Variants in ELF2 observed in about 807,000 individuals in gnomAD.
ELF2 encodes the protein ETS-related transcription factor Elf-2.
A neutral mutation model predicts 54.8 loss-of-function variants in ELF2; 11 were observed. The observed-to-expected ratio is 0.20, with a 90% CI of 0.13 to 0.33. The LOEUF (loss-of-function observed/expected upper bound fraction) is 0.33, where lower values mean the gene tolerates loss of function less well. Ranked by LOEUF, ELF2 falls within the 10% of genes least tolerant of loss-of-function variation. ELF2 has a pLI of 1.00. For missense variants in ELF2, 513 were observed against 703.0 expected (o/e 0.73, Z 3.06); for synonymous variants, 203 against 245.1 (o/e 0.83, Z 1.61).
intron 4 of ELF2, chr4:139,114,972 C>T: frequency 6.2e-7 from 1 of 1,613,738 alleles, no homozygotes; most frequent in South Asian, 1.1e-5. Flanking sequence ...TGCCCCGGAT[C>T]TTGTCCAGCA....
chr4:139,076,170 A>T (rs1164960118), intron 4 of ELF2, among the ~76,000 whole-genome samples: 2 of 152,206 alleles, frequency 1.3e-5, no homozygotes, highest in Admixed American at 1.3e-4. Flanking sequence ...GTTGCACATC[A>T]TCCACAAGGT....
intron 4 of ELF2, among the ~76,000 whole-genome samples, chr4:139,112,366 T>G (rs552680578): frequency 6.6e-6 from 1 of 152,220 alleles, no homozygotes; most frequent in Non-Finnish European, 1.5e-5. Context: ...AATAACATGT[T>G]TAATAAATTG....
At chr4:139,174,133 G>A (rs1408680440) in intron 1 of ELF2, among the ~76,000 whole-genome samples, 10 of 149,422 alleles carry the variant, frequency 6.7e-5, no homozygotes, top group Admixed American at 2.0e-4. Flanking sequence ...CGCTTGAACC[G>A]GGTGGCAGAG....
chr4:139,126,003 T>C (rs534029680), intron 3 of ELF2, among the ~76,000 whole-genome samples: 1 of 152,296 alleles, frequency 6.6e-6, no homozygotes, highest in African/African-American at 2.4e-5. Flanking sequence ...GTTAGCATCA[T>C]ACTCTACCCA....
intron 1 of ELF2, among the ~76,000 whole-genome samples, chr4:139,174,555 A>C (rs1163694686): frequency 6.6e-6 from 1 of 152,122 alleles, no homozygotes; most frequent in African/African-American, 2.4e-5. Flanking sequence ...CATATCCATG[A>C]GTTCTGAATA....
chr4:139,143,392 G>C (rs1738908782), intron 1 of ELF2, among the ~76,000 whole-genome samples: 1 of 152,168 alleles, frequency 6.6e-6, no homozygotes, highest in Non-Finnish European at 1.5e-5. Flanking sequence ...ACTGTTGCAA[G>C]CTTCTCCCCC....
At chr4:139,086,968 A>G (rs527537492) in intron 4 of ELF2, among the ~76,000 whole-genome samples, 2 of 152,218 alleles carry the variant, frequency 1.3e-5, no homozygotes, top group Admixed American at 6.5e-5. Context: ...TAGGAGGATC[A>G]TAACTCCTAA....
chr4:139,072,912 G>C (rs571958824), intron 5 of ELF2, among the ~76,000 whole-genome samples: 1 of 152,186 alleles, frequency 6.6e-6, no homozygotes, highest in Admixed American at 6.5e-5. Flanking sequence ...TAACATTTGG[G>C]CATTAAATTA....
chr4:139,165,284 T>C (rs1009923174), intron 1 of ELF2, among the ~76,000 whole-genome samples: 8 of 152,232 alleles, frequency 5.3e-5, no homozygotes, highest in African/African-American at 1.2e-4. Flanking sequence ...ATGACTATTA[T>C]TTCACAATGA....
intron 1 of ELF2, among the ~76,000 whole-genome samples, chr4:139,146,233 C>T (rs1490443236): frequency 6.6e-6 from 1 of 152,136 alleles, no homozygotes; most frequent in African/African-American, 2.4e-5. Context: ...ACAACAACGA[C>T]CAAGCTGAGA....
At chr4:139,093,991 C>T (rs914400418) in intron 4 of ELF2, among the ~76,000 whole-genome samples, 1 of 150,156 alleles carries the variant, frequency 6.7e-6, no homozygotes, top group Non-Finnish European at 1.5e-5. Context: ...CTCCGCCTCT[C>T]GGGTTCGAGC....
chr4:139,080,563 A>G (rs1032924844), intron 4 of ELF2, among the ~76,000 whole-genome samples: 1 of 152,132 alleles, frequency 6.6e-6, no homozygotes, highest in Non-Finnish European at 1.5e-5. Flanking sequence ...TGCATTGTTG[A>G]CCAAAACTTC....
At chr4:139,086,892 G>T (rs566669635) in intron 4 of ELF2, among the ~76,000 whole-genome samples, 1 of 152,228 alleles carries the variant, frequency 6.6e-6, no homozygotes, top group African/African-American at 2.4e-5. Context: ...GCAAATTTTT[G>T]TTAATGAAAT....
At chr4:139,124,901 AT>A (rs1354209811) in intron 4 of ELF2, among the ~76,000 whole-genome samples, 4 of 152,190 alleles carry the variant, frequency 2.6e-5, no homozygotes, top group South Asian at 2.1e-4. Context: ...CAGAAAAAAA[AT>A]AATAAAATAA....
chr4:139,079,784 C>T (rs145655815), intron 4 of ELF2, among the ~76,000 whole-genome samples: 166 of 152,252 alleles, frequency 1.1e-3, no homozygotes, highest in African/African-American at 2.9e-3. Flanking sequence ...TGGTGGCTCA[C>T]GCCTGTAATC....
rs187351119 is a variant in ELF2, at chr4:139,121,310, G to T, written c.238+3854C>A. ...TTTTTAGTAGAGACGGGGTTTCACC[G>T]TGTTAGCCAGGATGGTCTCGATCTC... On this transcript the variant is annotated intron_variant, in intron 4 of 9. Transcript: ENST00000686138. Among the ~76,000 whole-genome samples the T allele has an allele frequency of 4.3e-3, 655 of 150,892 alleles. 2 individuals carry two copies. Among genetic ancestry groups the T allele is most frequent in the Non-Finnish European group, 7.2e-3 (490 of 67,656 alleles).
intron 4 of ELF2, among the ~76,000 whole-genome samples, chr4:139,097,936 G>A (rs1251236463): frequency 6.6e-6 from 1 of 152,174 alleles, no homozygotes; most frequent in Non-Finnish European, 1.5e-5. Context: ...CTGGCTTCAA[G>A]TGATCCTCCT....
intron 4 of ELF2, among the ~76,000 whole-genome samples, chr4:139,086,625 G>GT (rs1291397785): frequency 6.6e-6 from 1 of 152,104 alleles, no homozygotes; most frequent in Non-Finnish European, 1.5e-5. Context: ...GCAAGTTTCT[G>GT]TTATAGGTGC....
At chr4:139,096,542 A>T (rs1578783796) in intron 4 of ELF2, among the ~76,000 whole-genome samples, 1 of 149,850 alleles carries the variant, frequency 6.7e-6, no homozygotes, top group South Asian at 2.1e-4. Flanking sequence ...ACTCACTGCA[A>T]CCTCCACCTC....
Sources: gnomAD v4.1 joint callset for allele counts (sites outside exome capture counted in the v4.1 genomes callset) on GRCh38, gnomAD v4.1.1 for gene constraint, MANE v1.5 for transcripts, NCBI Gene and HGNC (gene_info 2026-07-23, HGNC 2026-07-21) for gene names.